The following DCPS variants were observed in gnomAD, a reference collection of about 807,000 sequenced individuals.
DCPS encodes the protein decapping enzyme, scavenger.
A neutral mutation model predicts 34.7 loss-of-function variants in DCPS; 27 were observed. The ratio of observed to expected loss-of-function variants is 0.78; its 90% CI spans 0.57 to 1.07. The LOEUF (loss-of-function observed/expected upper bound fraction) is 1.07, where lower values mean the gene tolerates loss of function less well. Ranked by LOEUF, DCPS falls within the 50% of genes least tolerant of loss-of-function variation. The pLI is 0.00. For synonymous variants in DCPS, 185 were observed against 185.7 expected (o/e 1.00, Z 0.03); for missense variants, 464 against 436.9 (o/e 1.06, Z -0.55).
intron 1 of DCPS, among the ~76,000 whole-genome samples, 183 bp from the exon 2 acceptor site, chr11:126,306,387 G>A (rs1183100064): frequency 1.3e-5 from 2 of 152,034 alleles, no homozygotes; most frequent in African/African-American, 4.8e-5. Context: ...AAAAAAAGAT[G>A]CCTTCTCTGA....
At position 126,329,091 on chromosome 11, in the gene DCPS, C is replaced by T. The variant is rs1478306427; in HGVS notation, c.377-2314C>T. Among the ~76,000 whole-genome samples, 3 of 152,154 alleles carry T rather than the reference C, an allele frequency of 2.0e-5. No individual in the cohort carries two copies. The highest frequency in any genetic ancestry group is 7.2e-5 in the African/African-American group (3 of 41,428). ...TTTCCCTCAGGTCCACTGCAAGGGCCAAGGTGGTGCCGTTCAGTCTACTTC... is the reference window on the plus strand; with the variant it reads ...TTTCCCTCAGGTCCACTGCAAGGGCTAAGGTGGTGCCGTTCAGTCTACTTC... On this transcript the variant is annotated intron_variant, in intron 2 of 5. Coordinates refer to ENST00000263579, the MANE Select transcript of DCPS (RefSeq NM_014026.6). This position sits in a 1 kb window ranked among gnomAD's most constrained non-coding sequence, Gnocchi z 5.0.
chr11:126,304,285 C>G lies in DCPS; in HGVS notation c.201+4C>G, dbSNP rs746334180. 9.9e-6 allele frequency: 16 copies of G among 1,613,878 alleles called. No homozygotes were observed. In the Admixed American group the frequency reaches 2.5e-4, roughly 25 times the overall value. On this transcript the variant is annotated splice_donor_region_variant and intron_variant, in intron 1 of 5. Coordinates refer to ENST00000263579, the MANE Select transcript of DCPS (RefSeq NM_014026.6). The stretch of plus-strand genomic sequence containing the variant: ...AATCATTTTCCTACACGGGAAGGTA[C>G]CAGGAGGCAACCCTGAGGTGGGATG...
At chr11:126,307,480 G>A (rs1334808191) in intron 2 of DCPS, among the ~76,000 whole-genome samples, 2 of 151,908 alleles carry the variant, frequency 1.3e-5, no homozygotes, top group Non-Finnish European at 2.9e-5. Context: ...GCGCGATCTC[G>A]GCTCGCTGCA....
At position 126,315,352 on chromosome 11, in the gene DCPS, G is replaced by A. The variant is rs1446809806; in HGVS notation, c.376+8608G>A. Among the ~76,000 whole-genome samples, 1 of 152,042 alleles carries A rather than the reference G, an allele frequency of 6.6e-6. No homozygotes were observed. The highest frequency in any genetic ancestry group is 2.4e-5 in the African/African-American group (1 of 41,308). ...AGGCAGGTGGATCATTTGAGGTCAG[G>A]AGTTCGAGACCAGCCTGGCCAACAT... On this transcript the variant is annotated intron_variant, in intron 2 of 5. Coordinates refer to ENST00000263579, the MANE Select transcript of DCPS (RefSeq NM_014026.6). The surrounding 1 kb of genome is among the most constrained non-coding windows in gnomAD (Gnocchi z 6.1).
In DCPS at chr11:126,348,479, C is replaced by A. The variant is rs1951957659; in HGVS notation, c.*2866C>A. Among the ~76,000 whole-genome samples the A allele has an allele frequency of 6.6e-6, 1 of 152,240 alleles. No homozygotes were observed. The highest frequency in any genetic ancestry group is 1.5e-5 in the Non-Finnish European group (1 of 68,040). On this transcript the variant is annotated 3_prime_UTR_variant, in exon 6 of 6. Transcript: ENST00000263579. The surrounding 1 kb of genome is among the most constrained non-coding windows in gnomAD (Gnocchi z 5.3). The stretch of plus-strand genomic sequence containing the variant: ...GCTCTGCTGCTGTAATCTCCAGGGA[C>A]CCTGCCGGCCACGGCCCCCATGCAG...
rs1591387760 is a variant in DCPS, at chr11:126,328,824, A to T, written c.377-2581A>T. ...TAGCCTGGGGGGAGCGCTTTTCTCC[A>T]TGTGAGGCACTTCCTGAATCTTTCC... On this transcript the variant is annotated intron_variant, in intron 2 of 5. Transcript: ENST00000263579. The surrounding 1 kb of genome is among the most constrained non-coding windows in gnomAD (Gnocchi z 6.6). 6.6e-6 allele frequency among the ~76,000 whole-genome samples: 1 copy of T among 152,184 alleles called. No homozygotes were observed. The highest frequency in any genetic ancestry group is 2.4e-5 in the African/African-American group (1 of 41,454).
chr11:126,331,265 T>G lies in DCPS; in HGVS notation c.377-140T>G. On this transcript the variant is annotated intron_variant, in intron 2 of 5. Transcript: ENST00000263579. This position sits in a 1 kb window ranked among gnomAD's most constrained non-coding sequence, Gnocchi z 7.2. ...GCACAAGGCACTCTGTGGGAGTGGA[T>G]CTTGGGTGCATGATCCTCTTGGATT... The G allele has an allele frequency of 7.9e-7, 1 of 1,261,088 alleles. No individual in the cohort carries two copies. The highest frequency in any genetic ancestry group is 1.1e-6 in the Non-Finnish European group (1 of 906,824). 78.1% of individuals were successfully genotyped at this position (1,261,088 alleles called of 1,614,324 possible). A position where few individuals can be genotyped will look rare whatever the true frequency, so the allele number is the denominator to read the frequency against.
Position 126,331,416 on chromosome 11 carries a change from A to G in DCPS, c.388A>G (p.Thr130Ala), listed in dbSNP as rs760149573. ...CTGTATCATTGCAGATGTAAAGACG[A>G]CCGTGGTTTACCCTGCCACAGAGAA... Reference protein sequence around the residue: ...PPRQLNDVKTTVVYPATEKHL... With the variant: ...PPRQLNDVKTAVVYPATEKHL... The change falls in exon 3 of 6, where the codon ACC (threonine) becomes GCC (alanine). Residue 130 changes from threonine (T) to alanine (A), a missense_variant. Coordinates refer to ENST00000263579, the MANE Select transcript of DCPS (RefSeq NM_014026.6). The surrounding 1 kb of genome is among the most constrained non-coding windows in gnomAD (Gnocchi z 7.2). The G allele has an allele frequency of 4.3e-6, 7 of 1,614,026 alleles. No individual in the cohort carries two copies. The highest frequency in any genetic ancestry group is 5.9e-6 in the Non-Finnish European group (7 of 1,179,988).
rs1159724081 is a variant in DCPS at position 126,342,488 on chromosome 11, A to G, written c.637-819A>G. On this transcript the variant is annotated intron_variant, in intron 4 of 5. Transcript: ENST00000263579. The surrounding 1 kb of genome is among the most constrained non-coding windows in gnomAD (Gnocchi z 4.4). ...TCCTCTCCCCTTCCGTATACATTCTATGCCCTATACATTCTTGCCTCCGAG... is the reference window on the plus strand; with the variant it reads ...TCCTCTCCCCTTCCGTATACATTCTGTGCCCTATACATTCTTGCCTCCGAG... Among the ~76,000 whole-genome samples the G allele has an allele frequency of 2.0e-5, 3 of 152,086 alleles. No individual in the cohort carries two copies. The highest frequency in any genetic ancestry group is 6.6e-5 in the Admixed American group (1 of 15,266).
rs1362205845 is a variant in DCPS at position 126,315,741 on chromosome 11, G to A, written c.376+8997G>A. On this transcript the variant is annotated intron_variant, in intron 2 of 5. Transcript: ENST00000263579. The surrounding 1 kb of genome is among the most constrained non-coding windows in gnomAD (Gnocchi z 6.1). ...ATTGCTTTATTTTCTCTTTGAGACA[G>A]TCTCAGTCTGTTGTCCAGACTGGAA... Among the ~76,000 whole-genome samples, 2 of 151,980 alleles carry A rather than the reference G, an allele frequency of 1.3e-5. No homozygotes were observed. Among genetic ancestry groups the A allele is most frequent in the African/African-American group, 4.8e-5 (2 of 41,304 alleles).
Position 126,320,095 on chromosome 11 carries a change from C to T in DCPS, c.377-11310C>T, listed in dbSNP as rs1951693251. Among the ~76,000 whole-genome samples, 1 of 151,688 alleles carries T rather than the reference C, an allele frequency of 6.6e-6. No individual in the cohort carries two copies. Among genetic ancestry groups the T allele is most frequent in the Non-Finnish European group, 1.5e-5 (1 of 67,936 alleles). Reference sequence around the variant, plus strand: ...GACTCTCCATCTTTACCATCCTGGCCAGGCTGGTCTCAAACTCCTGACCTC... The same window carrying T: ...GACTCTCCATCTTTACCATCCTGGCTAGGCTGGTCTCAAACTCCTGACCTC... On this transcript the variant is annotated intron_variant, in intron 2 of 5. Coordinates refer to ENST00000263579, the MANE Select transcript of DCPS (RefSeq NM_014026.6). This position sits in a 1 kb window ranked among gnomAD's most constrained non-coding sequence, Gnocchi z 4.7.
At position 126,335,882 on chromosome 11, in the gene DCPS, G is replaced by A. The variant is rs972551174; in HGVS notation, c.523-2404G>A. ...GGAGGTTGCAGTGAGCTGAGATCAC[G>A]CCATTGCATTCCAGCCAAGTGTGAA... On this transcript the variant is annotated intron_variant, in intron 3 of 5. Transcript: ENST00000263579. This position sits in a 1 kb window ranked among gnomAD's most constrained non-coding sequence, Gnocchi z 4.8. Among the ~76,000 whole-genome samples the A allele has an allele frequency of 2.6e-5, 4 of 151,992 alleles. No homozygotes were observed. The highest frequency in any genetic ancestry group is 5.9e-5 in the Non-Finnish European group (4 of 68,010).
chr11:126,334,264 T>C lies in DCPS; in HGVS notation c.522+2714T>C, dbSNP rs188245583. On this transcript the variant is annotated intron_variant, in intron 3 of 5. Coordinates refer to ENST00000263579, the MANE Select transcript of DCPS (RefSeq NM_014026.6). This position sits in a 1 kb window ranked among gnomAD's most constrained non-coding sequence, Gnocchi z 5.5. ...GGAAGACAGTGAGTTCAGTTTGGAA[T>C]TCATTGAGCACTTACTATGTATAGT... 5.3e-5 allele frequency among the ~76,000 whole-genome samples: 8 copies of C among 152,294 alleles called. No homozygotes were observed. The East Asian group carries it at 1.2e-3, about 22-fold the overall frequency.
Position 126,338,519 on chromosome 11 carries a change from G to A in DCPS, c.636+120G>A. On this transcript the variant is annotated intron_variant, in intron 4 of 5. Coordinates refer to ENST00000263579, the MANE Select transcript of DCPS (RefSeq NM_014026.6). The surrounding 1 kb of genome is among the most constrained non-coding windows in gnomAD (Gnocchi z 5.4). ...TAAGCAGATTATAATTAACCAACAA[G>A]GGTTGGCCTGAGCTCTCTGTGGGGA... is the stretch of plus-strand genomic sequence containing the variant. 1 of 921,328 alleles carries A rather than the reference G, an allele frequency of 1.1e-6. No homozygotes were observed. The highest frequency in any genetic ancestry group is 2.5e-5 in the East Asian group (1 of 39,448). 57.1% of individuals were successfully genotyped at this position (921,328 alleles called of 1,614,324 possible). A position where few individuals can be genotyped will look rare whatever the true frequency, so the allele number is the denominator to read the frequency against.
At chr11:126,341,458 C>G (rs1951875506) in intron 4 of DCPS, 1 of 152,238 alleles carries the variant, frequency 6.6e-6, no homozygotes, top group African/African-American at 2.4e-5. Context: ...ATTATTTTCC[C>G]TCCCTTACCC....
rs78198516 is a variant in DCPS, at chr11:126,349,050, A to G, written c.*3437A>G. On this transcript the variant is annotated 3_prime_UTR_variant, in exon 6 of 6. Coordinates refer to ENST00000263579, the MANE Select transcript of DCPS (RefSeq NM_014026.6). This position sits in a 1 kb window ranked among gnomAD's most constrained non-coding sequence, Gnocchi z 5.4. ...ATGTGGCGAATGGAGGACCAGAGCT[A>G]GGCTCTGAATGAGGCCTCCTGGATC... 0.037 allele frequency among the ~76,000 whole-genome samples: 5,602 copies of G among 152,274 alleles called. 351 individuals are homozygous for G. The highest frequency in any genetic ancestry group is 0.13 in the African/African-American group (5,234 of 41,528).
At chr11:126,326,497 C>T (rs770229076) in intron 2 of DCPS, among the ~76,000 whole-genome samples, 14 of 152,202 alleles carry the variant, frequency 9.2e-5, no homozygotes, top group Middle Eastern at 3.4e-3. Flanking sequence ...TTCATTTTTG[C>T]GTGTCAGGCT....
chr11:126,335,228 T>C lies in DCPS; in HGVS notation c.523-3058T>C, dbSNP rs1296055120. ...GGTGATGAGGAAGGAGCAAGATGTCTCACGGGAGGTCAAGGCGGGAGAGAG... is the reference window on the plus strand; with the variant it reads ...GGTGATGAGGAAGGAGCAAGATGTCCCACGGGAGGTCAAGGCGGGAGAGAG... On this transcript the variant is annotated intron_variant, in intron 3 of 5. Coordinates refer to ENST00000263579, the MANE Select transcript of DCPS (RefSeq NM_014026.6). This position sits in a 1 kb window ranked among gnomAD's most constrained non-coding sequence, Gnocchi z 4.8. Among the ~76,000 whole-genome samples, 1 of 152,194 alleles carries C rather than the reference T, an allele frequency of 6.6e-6. No homozygotes were observed. The highest frequency in any genetic ancestry group is 1.5e-5 in the Non-Finnish European group (1 of 68,024).
Position 126,331,643 on chromosome 11 carries a change from C to T in DCPS, c.522+93C>T, listed in dbSNP as rs377429913. On this transcript the variant is annotated intron_variant, in intron 3 of 5. Coordinates refer to ENST00000263579, the MANE Select transcript of DCPS (RefSeq NM_014026.6). The surrounding 1 kb of genome is among the most constrained non-coding windows in gnomAD (Gnocchi z 7.2). Reference sequence around the variant, plus strand: ...TATTGGGGTCATATTAGGGGCCAGGCGCTGTGCTGGGCGAGGGGATGGGGG... The same window carrying T: ...TATTGGGGTCATATTAGGGGCCAGGTGCTGTGCTGGGCGAGGGGATGGGGG... 181 of 1,502,424 alleles carry T rather than the reference C, an allele frequency of 1.2e-4. 1 individual carries two copies. The East Asian group carries it at 2.3e-3, about 19-fold the overall frequency. The allele number at this position is 1,502,424 out of a possible 1,614,324, so 93.1% of individuals were successfully genotyped here. A position where few individuals can be genotyped will look rare whatever the true frequency, so the allele number is the denominator to read the frequency against.
Sources: allele counts gnomAD v4.1 joint callset (sites outside exome capture counted in the v4.1 genomes callset), GRCh38; gene constraint gnomAD v4.1.1; non-coding constraint Gnocchi (gnomAD v3.1); transcripts MANE v1.5; gene names NCBI Gene and HGNC (gene_info 2026-07-23, HGNC 2026-07-21).